Variants in TTC27 observed in about 807,000 individuals in gnomAD.
TTC27 encodes the protein tetratricopeptide repeat domain 27.
A neutral mutation model predicts 115.9 loss-of-function variants in TTC27; 79 were observed. The ratio of observed to expected loss-of-function variants is 0.68; its 90% CI spans 0.57 to 0.82. The LOEUF is 0.82. Among genes scored for constraint, TTC27 ranks in the 40% least tolerant of loss-of-function variants. The probability of loss-of-function intolerance (pLI) is 0.00; values close to 1 mark genes in which losing one functional copy is unlikely to be tolerated. For missense variants in TTC27, 1,054 were observed against 993.1 expected, an observed-to-expected ratio of 1.06 and a Z score of -0.82; for synonymous variants, 401 against 356.0, an observed-to-expected ratio of 1.13 and a Z score of -1.42.
chr2:32,800,210 C>T (rs576179339), intron 16 of TTC27, among the ~76,000 whole-genome samples: 11 of 152,292 alleles, frequency 7.2e-5, no homozygotes, highest in African/African-American at 1.4e-4. Context: ...TTTTTTGAGA[C>T]GGAGTCTCGC....
intron 3 of TTC27, among the ~76,000 whole-genome samples, chr2:32,634,218 CTG>C (rs1664325814): frequency 6.6e-6 from 1 of 152,044 alleles, no homozygotes; most frequent in African/African-American, 2.4e-5. Flanking sequence ...TTTTATGGAG[CTG>C]TGTTAGCTGT....
At chr2:32,807,441 A>G (rs1254754046) in intron 16 of TTC27, among the ~76,000 whole-genome samples, 1 of 152,204 alleles carries the variant, frequency 6.6e-6, no homozygotes, top group Non-Finnish European at 1.5e-5. Context: ...TAATTAAACA[A>G]AATGAGGCAT....
At chr2:32,705,823 G>C (rs1667348389) in intron 10 of TTC27, among the ~76,000 whole-genome samples, 1 of 152,014 alleles carries the variant, frequency 6.6e-6, no homozygotes, top group African/African-American at 2.4e-5. Context: ...CAAAGTGCTT[G>C]GATTATAGGC....
chr2:32,735,192 A>T (rs753277868), intron 11 of TTC27, among the ~76,000 whole-genome samples: 24 of 152,222 alleles, frequency 1.6e-4, no homozygotes, highest in Admixed American at 2.6e-4. Context: ...ATTGGAGTTC[A>T]GTTTACATAT....
chr2:32,806,116 C>T (rs1671121569), intron 16 of TTC27, among the ~76,000 whole-genome samples: 1 of 152,174 alleles, frequency 6.6e-6, no homozygotes, highest in Non-Finnish European at 1.5e-5. Flanking sequence ...CAATTTTCTA[C>T]TCTTGAGCCA....
rs569863006 is a variant in TTC27 at position 32,716,909 on chromosome 2, G to T, written c.1233+13989G>T. 1.3e-4 allele frequency among the ~76,000 whole-genome samples: 20 copies of T among 151,988 alleles called. No individual in the cohort carries two copies. In the South Asian group the frequency reaches 4.0e-3, roughly 30 times the overall value. Reference sequence around the variant, plus strand: ...GAGTCTTGCCATGTTGCCCAAGCTGGCCTCAGACTTCTAGGCTCAAGCAGT... The same window carrying T: ...GAGTCTTGCCATGTTGCCCAAGCTGTCCTCAGACTTCTAGGCTCAAGCAGT... On this transcript the variant is annotated intron_variant, in intron 10 of 19. Coordinates refer to ENST00000317907, the MANE Select transcript of TTC27 (RefSeq NM_017735.5).
At chr2:32,781,506 G>A (rs1164443748) in intron 14 of TTC27, among the ~76,000 whole-genome samples, 7 of 152,098 alleles carry the variant, frequency 4.6e-5, no homozygotes, top group Non-Finnish European at 5.9e-5. Flanking sequence ...TTCTTTTAAG[G>A]AAGATTGAGT....
chr2:32,647,796 C>T (rs1052798969), intron 4 of TTC27, among the ~76,000 whole-genome samples: 1 of 151,684 alleles, frequency 6.6e-6, no homozygotes, highest in Non-Finnish European at 1.5e-5. Flanking sequence ...TATGATGACT[C>T]CTGTAAATAG....
intron 9 of TTC27, among the ~76,000 whole-genome samples, chr2:32,691,490 G>C (rs1181860962): frequency 6.6e-6 from 1 of 151,772 alleles, no homozygotes; most frequent in Non-Finnish European, 1.5e-5. Flanking sequence ...GTAGAGACGG[G>C]GTTTCATCAT....
At chr2:32,722,898 C>T (rs1163367156) in intron 10 of TTC27, among the ~76,000 whole-genome samples, 2 of 151,968 alleles carry the variant, frequency 1.3e-5, no homozygotes, top group African/African-American at 2.4e-5. Context: ...TCTGATAAGG[C>T]CAAGAAAGGG....
intron 9 of TTC27, among the ~76,000 whole-genome samples, chr2:32,683,937 C>T (rs1363965877): frequency 1.3e-5 from 2 of 152,026 alleles, no homozygotes; most frequent in African/African-American, 2.4e-5. Flanking sequence ...GGGCAGATCA[C>T]AAGGTCAGTA....
At chr2:32,735,455 A>G (rs1023179615) in intron 11 of TTC27, among the ~76,000 whole-genome samples, 4 of 152,288 alleles carry the variant, frequency 2.6e-5, no homozygotes, top group Non-Finnish European at 5.9e-5. Flanking sequence ...TTAGGAAACA[A>G]ATACTGTTCA....
Position 32,730,193 on chromosome 2 carries a change from C to T in TTC27, c.1234-3635C>T, listed in dbSNP as rs190037828. Reference sequence around the variant, plus strand: ...AATGAATGTACCTAATACTTGTGTTCGGCTTAAAATTAATCAACAAACCTT... The same window carrying T: ...AATGAATGTACCTAATACTTGTGTTTGGCTTAAAATTAATCAACAAACCTT... On this transcript the variant is annotated intron_variant, in intron 10 of 19. Coordinates refer to ENST00000317907, the MANE Select transcript of TTC27 (RefSeq NM_017735.5). 1.6e-3 allele frequency among the ~76,000 whole-genome samples: 237 copies of T among 152,226 alleles called. 1 individual carries two copies. The highest frequency in any genetic ancestry group is 5.1e-3 in the African/African-American group (211 of 41,536).
chr2:32,666,185 T>G (rs908740351), intron 6 of TTC27, among the ~76,000 whole-genome samples: 5 of 152,202 alleles, frequency 3.3e-5, no homozygotes, highest in Non-Finnish European at 7.3e-5. Context: ...TGAAGTCAGA[T>G]AGTGTAATAA....
At chr2:32,668,577 C>CCTTCCTTT (rs1228668451) in intron 7 of TTC27, among the ~76,000 whole-genome samples, 1 of 120,306 alleles carries the variant, frequency 8.3e-6, no homozygotes, top group Non-Finnish European at 1.6e-5. Context: ...TTCCTTCCTT[C>CCTTCCTTT]CTTCCTTCCT....
chr2:32,711,870 G>A (rs1486867743), intron 10 of TTC27, among the ~76,000 whole-genome samples: 1 of 152,134 alleles, frequency 6.6e-6, no homozygotes, highest in Non-Finnish European at 1.5e-5. Flanking sequence ...AACCCATGAT[G>A]TGGAGTTTGC....
At chr2:32,686,829 T>G (rs1666646783) in intron 9 of TTC27, among the ~76,000 whole-genome samples, 1 of 151,654 alleles carries the variant, frequency 6.6e-6, no homozygotes, top group Non-Finnish European at 1.5e-5. Context: ...ATACATTGGG[T>G]GATTTTATTT....
chr2:32,808,455 C>T (rs1247327002), intron 16 of TTC27, among the ~76,000 whole-genome samples: 3 of 152,196 alleles, frequency 2.0e-5, no homozygotes, highest in African/African-American at 7.2e-5. Flanking sequence ...TTGCCTCCCT[C>T]CTCTCTCTTC....
Position 32,777,623 on chromosome 2 carries a change from T to C in TTC27, c.1681-259T>C, listed in dbSNP as rs1216352444. On this transcript the variant is annotated intron_variant, in intron 13 of 19. Transcript: ENST00000317907. Reference sequence around the variant, plus strand: ...AACATGCCCAGTAAGGAGTTTGGTTTACACTAAGTATGGACTTTTTCCGTG... The same window carrying C: ...AACATGCCCAGTAAGGAGTTTGGTTCACACTAAGTATGGACTTTTTCCGTG... Among the ~76,000 whole-genome samples the C allele has an allele frequency of 6.6e-5, 10 of 152,370 alleles. No individual in the cohort carries two copies. The South Asian group carries it at 2.1e-3, about 32-fold the overall frequency.
Sources: allele counts gnomAD v4.1 joint callset (sites outside exome capture counted in the v4.1 genomes callset), GRCh38; gene constraint gnomAD v4.1.1; transcripts MANE v1.5; gene names NCBI Gene and HGNC (gene_info 2026-07-23, HGNC 2026-07-21).